FSTL5: variants seen among roughly 807,000 people sequenced by gnomAD.
FSTL5 encodes the protein follistatin-related protein 5.
Under a neutral mutation model 89.1 loss-of-function variants are expected in FSTL5, and 62 were observed. The observed-to-expected ratio is 0.70, with a 90% CI of 0.57 to 0.86. FSTL5 has a LOEUF of 0.86. Among genes scored for constraint, FSTL5 ranks in the 40% least tolerant of loss-of-function variants. The pLI is 0.00. For synonymous variants in FSTL5, 383 were observed against 346.2 expected, an observed-to-expected ratio of 1.11 and a Z score of -1.18; for missense variants, 1,057 against 1,001.6, an observed-to-expected ratio of 1.06 and a Z score of -0.75.
At chr4:161,779,811 GTATATATATATATATATATATA>G (rs1203119725) in intron 4 of FSTL5, among the ~76,000 whole-genome samples, 9 of 40,436 alleles carry the variant, frequency 2.2e-4, no homozygotes, top group East Asian at 8.1e-4. Flanking sequence ...ATATATATAT[GTATATATATATATATATATATA>G]TATGTATATA....
intron 6 of FSTL5, among the ~76,000 whole-genome samples, chr4:161,659,218 C>T (rs1017396154): frequency 2.0e-5 from 3 of 152,008 alleles, no homozygotes; most frequent in African/African-American, 4.8e-5. Context: ...AAATATATTT[C>T]GTGGTAATAC....
chr4:161,443,348 A>C (rs1294224561), intron 15 of FSTL5, among the ~76,000 whole-genome samples: 1 of 152,158 alleles, frequency 6.6e-6, no homozygotes, highest in South Asian at 2.1e-4. Flanking sequence ...TTAGCATACT[A>C]AATTTTTTTA....
At chr4:162,113,398 T>C (rs1169103715) in intron 1 of FSTL5, among the ~76,000 whole-genome samples, 4 of 152,146 alleles carry the variant, frequency 2.6e-5, no homozygotes, top group South Asian at 2.1e-4. Flanking sequence ...TATTGCAAGC[T>C]GTCAAGACGC....
At chr4:162,082,852 A>C (rs1730156723) in intron 2 of FSTL5, among the ~76,000 whole-genome samples, 1 of 151,378 alleles carries the variant, frequency 6.6e-6, no homozygotes, top group African/African-American at 2.4e-5. Flanking sequence ...TATAAAATAA[A>C]TACTCTCACC....
chr4:161,781,498 G>T (rs1424930649), intron 4 of FSTL5, among the ~76,000 whole-genome samples: 3 of 152,006 alleles, frequency 2.0e-5, no homozygotes, highest in Admixed American at 2.0e-4. Context: ...AGATTCACTA[G>T]TACAAATACA....
chr4:161,505,350 A>G (rs1006228066), intron 11 of FSTL5, among the ~76,000 whole-genome samples: 1 of 151,790 alleles, frequency 6.6e-6, no homozygotes, highest in Non-Finnish European at 1.5e-5. Context: ...CTTTATATTA[A>G]GTTCAACTAG....
At chr4:161,955,756 C>T (rs1735010732) in intron 3 of FSTL5, among the ~76,000 whole-genome samples, 2 of 151,850 alleles carry the variant, frequency 1.3e-5, no homozygotes, top group Admixed American at 1.3e-4. Context: ...GTATATTCAG[C>T]ATCTGTAACT....
At chr4:161,462,872 A>G (rs1297788248) in intron 13 of FSTL5, among the ~76,000 whole-genome samples, 1 of 152,106 alleles carries the variant, frequency 6.6e-6, no homozygotes, top group African/African-American at 2.4e-5. Flanking sequence ...AAGAATTTAC[A>G]GACTAGAGGG....
intron 2 of FSTL5, among the ~76,000 whole-genome samples, chr4:162,062,864 T>C (rs1209907678): frequency 6.6e-6 from 1 of 151,578 alleles, no homozygotes; most frequent in Non-Finnish European, 1.5e-5. Flanking sequence ...GCAAAGGGCC[T>C]TGTAATCAAA....
chr4:162,037,633 A>G (rs1432556439), intron 2 of FSTL5, among the ~76,000 whole-genome samples: 1 of 151,882 alleles, frequency 6.6e-6, no homozygotes, highest in Non-Finnish European at 1.5e-5. Context: ...ATAATTATAA[A>G]TTACCAATGC....
intron 10 of FSTL5, among the ~76,000 whole-genome samples, chr4:161,514,789 T>C (rs1276119085): frequency 6.6e-6 from 1 of 151,984 alleles, no homozygotes; most frequent in Non-Finnish European, 1.5e-5. Flanking sequence ...TCCCAAAAGA[T>C]TAAAGTAAAA....
intron 7 of FSTL5, among the ~76,000 whole-genome samples, chr4:161,592,926 T>C (rs1208152077): frequency 1.3e-5 from 2 of 152,138 alleles, no homozygotes; most frequent in Non-Finnish European, 2.9e-5. Context: ...ACATCCTCTC[T>C]AGCTTTTTAA....
intron 3 of FSTL5, among the ~76,000 whole-genome samples, chr4:161,964,230 C>T (rs1243226030): frequency 6.6e-6 from 1 of 151,964 alleles, no homozygotes; most frequent in East Asian, 1.9e-4. Context: ...CAGTCATCTG[C>T]CTGAGGTGGA....
intron 13 of FSTL5, among the ~76,000 whole-genome samples, chr4:161,478,551 A>G (rs770227711): frequency 1.3e-5 from 2 of 152,106 alleles, no homozygotes; most frequent in Non-Finnish European, 2.9e-5. Flanking sequence ...CAGCACTTCA[A>G]CACTATGTGT....
chr4:161,896,087 C>A (rs1307501989), intron 4 of FSTL5, among the ~76,000 whole-genome samples: 1 of 152,152 alleles, frequency 6.6e-6, no homozygotes, highest in Non-Finnish European at 1.5e-5. Flanking sequence ...TATCAAATAT[C>A]TGTTTAGCCT....
intron 7 of FSTL5, among the ~76,000 whole-genome samples, chr4:161,635,655 A>G (rs532668934): frequency 9.2e-5 from 14 of 152,322 alleles, no homozygotes; most frequent in Admixed American, 3.9e-4. Flanking sequence ...ACAGCATGGT[A>G]GAATAGAAAT....
At chr4:161,641,331 AC>A (rs1452803898) in intron 7 of FSTL5, among the ~76,000 whole-genome samples, 1 of 152,180 alleles carries the variant, frequency 6.6e-6, no homozygotes, top group Non-Finnish European at 1.5e-5. Flanking sequence ...CATATAACTT[AC>A]GGAAACTACT....
chr4:162,096,915 T>C (rs762324119), intron 2 of FSTL5, among the ~76,000 whole-genome samples: 4 of 151,938 alleles, frequency 2.6e-5, no homozygotes, highest in Admixed American at 6.6e-5. Flanking sequence ...CCCATCATAC[T>C]AACAGAAATG....
At chr4:162,058,915 G>A (rs988108152) in intron 2 of FSTL5, among the ~76,000 whole-genome samples, 2 of 152,102 alleles carry the variant, frequency 1.3e-5, no homozygotes, top group Non-Finnish European at 2.9e-5. Flanking sequence ...ATTCATTATT[G>A]CAGCTAAAAC....
Sources: allele counts gnomAD v4.1 joint callset (sites outside exome capture counted in the v4.1 genomes callset), GRCh38; gene constraint gnomAD v4.1.1; transcripts MANE v1.5; gene names NCBI Gene and HGNC (gene_info 2026-07-23, HGNC 2026-07-21).